The following MAST1 variants were observed in gnomAD, a reference collection of about 807,000 sequenced individuals.
MAST1 encodes the protein microtubule associated serine/threonine kinase 1.
A neutral mutation model predicts 124.6 loss-of-function variants in MAST1; 40 were observed. The ratio of observed to expected loss-of-function variants is 0.32; its 90% CI spans 0.25 to 0.42. MAST1 has a LOEUF of 0.42. Ranked by LOEUF, MAST1 falls within the 10% of genes least tolerant of loss-of-function variation. MAST1 has a pLI of 1.00. For missense variants in MAST1, 1,558 were observed against 2,181.9 expected, an observed-to-expected ratio of 0.71 and a Z score of 5.70; for synonymous variants, 938 against 939.4, an observed-to-expected ratio of 1.00 and a Z score of 0.03.
chr19:12,874,227 G>A lies in MAST1; in HGVS notation c.4070G>A (p.Ser1357Asn). Reference sequence around the variant, plus strand: ...GGTGCCTCCAGGCCACCAGTGTCGAGCAAGGAGAAGGAATCCCCGGGGGGC... The same window carrying A: ...GGTGCCTCCAGGCCACCAGTGTCGAACAAGGAGAAGGAATCCCCGGGGGGC... ...PEGASRPPVS[S>N]KEKESPGGAE... is the part of the protein sequence containing the mutation. Residue 1357 changes from serine to asparagine, a missense_variant, in exon 26 of 26, where the codon AGC becomes AAC. By Grantham distance (46) the Ser-to-Asn change is conservative. Around this residue, in one of 10 missense-constraint regions of MAST1, gnomAD observed 263 missense variants for 310.9 expected, o/e 0.85. Coordinates refer to ENST00000251472, the MANE Select transcript of MAST1 (RefSeq NM_014975.3). The surrounding 1 kb of genome is among the most constrained non-coding windows in gnomAD (Gnocchi z 6.6). 8 of 1,550,122 alleles carry A rather than the reference G, an allele frequency of 5.2e-6. No homozygotes were observed. The highest frequency in any genetic ancestry group is 7.0e-6 in the Non-Finnish European group (8 of 1,150,688).
At chr19:12,844,692 G>A (rs917566578) in intron 4 of MAST1, among the ~76,000 whole-genome samples, 1 of 152,164 alleles carries the variant, frequency 6.6e-6, no homozygotes, top group Non-Finnish European at 1.5e-5. Flanking sequence ...AGAACTTGCA[G>A]CATTTGAAAA....
intron 12 of MAST1, among the ~76,000 whole-genome samples, chr19:12,862,061 A>G (rs1970090858): frequency 6.8e-6 from 1 of 147,694 alleles, no homozygotes; most frequent in Non-Finnish European, 1.5e-5. Flanking sequence ...CTAGAGTGCA[A>G]TGGGGTGATC....
chr19:12,858,109 G>C (rs1970038491), intron 10 of MAST1, among the ~76,000 whole-genome samples: 1 of 144,678 alleles, frequency 6.9e-6, no homozygotes, highest in South Asian at 2.2e-4. Context: ...ATTGATTTTT[G>C]GGAACTCTTT....
chr19:12,853,665 C>T (rs926368647), intron 10 of MAST1, among the ~76,000 whole-genome samples: 8 of 151,868 alleles, frequency 5.3e-5, no homozygotes, highest in Non-Finnish European at 1.2e-4. Flanking sequence ...GTCAGGAATT[C>T]GAAACCAGCC....
chr19:12,874,431 G>C lies in MAST1; in HGVS notation c.4274G>C (p.Ser1425Thr), dbSNP rs2145917387. 2.5e-6 allele frequency: 4 copies of C among 1,598,066 alleles called. No individual in the cohort carries two copies. The highest frequency in any genetic ancestry group is 3.4e-6 in the Non-Finnish European group (4 of 1,178,794). The change falls in exon 26 of 26, where the codon AGC (serine) becomes ACC (threonine). Residue 1425 changes from serine to threonine, a missense_variant. Coordinates refer to ENST00000251472, the MANE Select transcript of MAST1 (RefSeq NM_014975.3). This position sits in a 1 kb window ranked among gnomAD's most constrained non-coding sequence, Gnocchi z 6.6. ...GAACACGAGACAGGCCGGCGCAGCAGCTCTGGCGAGGCGGGCACACCCCTG... is the reference window on the plus strand; with the variant it reads ...GAACACGAGACAGGCCGGCGCAGCACCTCTGGCGAGGCGGGCACACCCCTG... Reference protein sequence around the residue: ...VQEHETGRRSSSGEAGTPLVP... With the variant: ...VQEHETGRRSTSGEAGTPLVP...
chr19:12,848,366 T>C, intron 7 of MAST1: 1 of 320,786 alleles, frequency 3.1e-6, no homozygotes, highest in Non-Finnish European at 5.9e-6. Context: ...AGGCCTGTAA[T>C]CCCAGCACTT....
At position 12,873,406 on chromosome 19, in the gene MAST1, C is replaced by T. The variant is rs1418602780; in HGVS notation, c.3346C>T (p.Arg1116Cys). The T allele has an allele frequency of 6.2e-7, 1 of 1,613,852 alleles. No homozygotes were observed. The highest frequency in any genetic ancestry group is 8.5e-7 in the Non-Finnish European group (1 of 1,180,014). ...HTSRSLSSLN[R>C]SLSSSDSLPG... ...TAGCCGCTCGCTGTCGTCGCTGAAC[C>T]GCTCGCTGTCATCCAGCGATAGTCT... The change falls in exon 25 of 26, where the codon CGC becomes TGC. Residue 1116 changes from arginine to cysteine, a missense_variant. Around this residue, in one of 10 missense-constraint regions of MAST1, gnomAD observed 291 missense variants for 475.8 expected, o/e 0.61. Coordinates refer to ENST00000251472, the MANE Select transcript of MAST1 (RefSeq NM_014975.3).
At chr19:12,864,393 C>CAA (rs35351874) in intron 12 of MAST1, among the ~76,000 whole-genome samples, 1,984 of 118,422 alleles carry the variant, frequency 0.017, 38 homozygotes, top group East Asian at 0.041. Context: ...GACCCTGTCT[C>CAA]AAAAAAAAAA....
intron 10 of MAST1, among the ~76,000 whole-genome samples, chr19:12,854,599 GA>G (rs1199118168): frequency 6.6e-6 from 1 of 152,174 alleles, no homozygotes; most frequent in Non-Finnish European, 1.5e-5. Context: ...ATCCACTGGT[GA>G]ACATTGGGTT....
intron 2 of MAST1, 91 bp from the exon 3 acceptor site, chr19:12,840,900 G>A: frequency 1.3e-6 from 1 of 781,838 alleles, no homozygotes; most frequent in Admixed American, 1.7e-5. Flanking sequence ...ATAATAGGCG[G>A]GACTAGACTA....
intron 18 of MAST1, 33 bp from the exon 19 acceptor site, chr19:12,867,441 C>T (rs1271945752): frequency 1.6e-5 from 26 of 1,609,614 alleles, no homozygotes; most frequent in Non-Finnish European, 2.1e-5. Context: ...AAGTGGAACC[C>T]GGGCTGGACT....
At chr19:12,858,870 C>A in intron 12 of MAST1, 131 bp downstream of exon 12, 1 of 823,456 alleles carries the variant, frequency 1.2e-6, no homozygotes, top group South Asian at 1.5e-5. Context: ...ATTTATTTCT[C>A]CAGTCATTGA....
chr19:12,839,029 C>A (rs942002679), intron 1 of MAST1, among the ~76,000 whole-genome samples: 1 of 151,956 alleles, frequency 6.6e-6, no homozygotes, highest in African/African-American at 2.4e-5. Flanking sequence ...CCGCGTGCTC[C>A]TGGACGCGCT....
Position 12,874,720 on chromosome 19 carries a change from C to T in MAST1, c.4563C>T (p.Ser1521=). 1 of 1,596,472 alleles carries T rather than the reference C, an allele frequency of 6.3e-7. No homozygotes were observed. Among genetic ancestry groups the T allele is most frequent in the Non-Finnish European group, 8.6e-7 (1 of 1,167,338 alleles). ...CCCCAGCGAAGTGCAGTGCACCCAG[C>T]AGTGCAGTGACCCCAGTCCCACCCG... ...SLAPAKCSAP[S]SAVTPVPPAS... The change falls in exon 26 of 26, where the codon AGC becomes AGT. Residue 1521 remains serine (S), a synonymous_variant. Coordinates refer to ENST00000251472, the MANE Select transcript of MAST1 (RefSeq NM_014975.3). This position sits in a 1 kb window ranked among gnomAD's most constrained non-coding sequence, Gnocchi z 6.6.
intron 4 of MAST1, among the ~76,000 whole-genome samples, chr19:12,844,503 CA>C (rs1373144535): frequency 6.6e-6 from 1 of 152,072 alleles, no homozygotes; most frequent in Non-Finnish European, 1.5e-5. Context: ...GCAAGTAGCA[CA>C]AGGTGAGGTG....
intron 10 of MAST1, among the ~76,000 whole-genome samples, chr19:12,857,239 A>G (rs1970026708): frequency 6.6e-6 from 1 of 151,826 alleles, no homozygotes; most frequent in African/African-American, 2.4e-5. Context: ...ATGTGCCATC[A>G]TGCCCAGCTG....
chr19:12,874,086 C>T lies in MAST1; in HGVS notation c.3929C>T (p.Ser1310Phe). ...GELALHSLAE[S>F]DGETPPVEGL... ...CTGGCGCTGCATAGCCTTGCCGAGT[C>T]CGACGGTGAGACGCCCCCAGTCGAG... Residue 1310 changes from serine (S) to phenylalanine (F), a missense_variant, in exon 26 of 26, where the codon TCC (serine) becomes TTC (phenylalanine). This residue lies in a region of MAST1 where 263 missense variants were observed against 310.9 expected (regional missense o/e 0.85). Transcript: ENST00000251472. The surrounding 1 kb of genome is among the most constrained non-coding windows in gnomAD (Gnocchi z 6.6). 1 of 1,573,296 alleles carries T rather than the reference C, an allele frequency of 6.4e-7. No homozygotes were observed. Among genetic ancestry groups the T allele is most frequent in the Non-Finnish European group, 8.6e-7 (1 of 1,162,726 alleles).
Position 12,847,760 on chromosome 19 carries a change from C to CTTAT in MAST1, c.564+73_564+74insTTAT. 6.3e-7 allele frequency: 1 copy of CTTAT among 1,585,954 alleles called. No homozygotes were observed. The highest frequency in any genetic ancestry group is 8.6e-7 in the Non-Finnish European group (1 of 1,162,694). The stretch of plus-strand genomic sequence containing the variant: ...TCTCGCTCGCCTTATCCCCGCGCGC[C>CTTAT]CCCTGGCGGCCTCGGTGCGCAGCGC... On this transcript the variant is annotated intron_variant, in intron 6 of 25. Transcript: ENST00000251472. The surrounding 1 kb of genome is among the most constrained non-coding windows in gnomAD (Gnocchi z 5.5).
At chr19:12,867,436 G>T (rs201106956) in intron 18 of MAST1, 38 bp from the exon 19 acceptor site, 1 of 1,609,742 alleles carries the variant, frequency 6.2e-7, no homozygotes, top group South Asian at 1.1e-5. Context: ...AGTGAAAGTG[G>T]AACCCGGGCT....
Sources: allele counts gnomAD v4.1 joint callset (sites outside exome capture counted in the v4.1 genomes callset), GRCh38; gene constraint gnomAD v4.1.1; regional missense constraint gnomAD v4.1.1; non-coding constraint Gnocchi (gnomAD v3.1); transcripts MANE v1.5; gene names NCBI Gene and HGNC (gene_info 2026-07-23, HGNC 2026-07-21).